Variants in AGXT observed in about 807,000 individuals in gnomAD.
AGXT encodes L-alanine: glyoxylate aminotransferase 1.
AGXT carries 41 observed loss-of-function variants against 46.9 expected under a neutral mutation model. The ratio of observed to expected loss-of-function variants is 0.88; its 90% CI spans 0.68 to 1.14. AGXT has a LOEUF of 1.14. AGXT is among the 50% of genes most tolerant of loss of function. The pLI, the probability that AGXT is intolerant of heterozygous loss-of-function variation, is 0.00. For synonymous variants in AGXT, 244 were observed against 227.9 expected, an observed-to-expected ratio of 1.07 and a Z score of -0.64; for missense variants, 525 against 522.7, an observed-to-expected ratio of 1.00 and a Z score of -0.04.
At chr2:240,876,687 G>T (rs369060082) in intron 8 of AGXT, among the ~76,000 whole-genome samples, 26 of 152,368 alleles carry the variant, frequency 1.7e-4, no homozygotes, top group African/African-American at 5.5e-4. Context: ...TGCCACGTTT[G>T]TCCTCCTGGG....
chr2:240,872,718 G>C (rs1278589965), intron 4 of AGXT, among the ~76,000 whole-genome samples: 1 of 152,066 alleles, frequency 6.6e-6, no homozygotes, highest in Non-Finnish European at 1.5e-5. Flanking sequence ...CTGCAGCTGG[G>C]TCTCACCAGG....
chr2:240,876,718 C>G (rs2059026567), intron 8 of AGXT, among the ~76,000 whole-genome samples: 1 of 152,222 alleles, frequency 6.6e-6, no homozygotes, highest in Non-Finnish European at 1.5e-5. Context: ...AAGCCACTGC[C>G]TAGGGCTGGG....
intron 3 of AGXT, 48 bp downstream of exon 3, chr2:240,870,756 G>T: frequency 6.5e-7 from 1 of 1,529,922 alleles, no homozygotes. Context: ...GTGGGAGTGG[G>T]CATGCTGGCT....
At chr2:240,874,729 C>T (rs1020649123) in intron 6 of AGXT, among the ~76,000 whole-genome samples, 5 of 152,222 alleles carry the variant, frequency 3.3e-5, no homozygotes, top group African/African-American at 4.8e-5. Flanking sequence ...GTTGTAGAGA[C>T]GGACACATTT....
intron 4 of AGXT, among the ~76,000 whole-genome samples, chr2:240,871,785 GC>G (rs2058992309): frequency 6.6e-6 from 1 of 152,196 alleles, no homozygotes; most frequent in African/African-American, 2.4e-5. Flanking sequence ...CACTAAAGCT[GC>G]CTGATGCCCT....
At chr2:240,870,610 G>C (rs1275274892) in intron 2 of AGXT, 34 bp from the exon 3 acceptor site, 1 of 1,549,228 alleles carries the variant, frequency 6.5e-7, no homozygotes, top group South Asian at 1.2e-5. Flanking sequence ...CAGTGTGTGC[G>C]GGACACTCAC....
intron 3 of AGXT, 90 bp from the exon 4 acceptor site, chr2:240,871,259 C>T: frequency 3.5e-6 from 4 of 1,129,286 alleles, no homozygotes; most frequent in Non-Finnish European, 5.2e-6. Flanking sequence ...GCCCCTGCTA[C>T]CTGGAGCTGT....
rs34116584 is a variant in AGXT at position 240,868,897 on chromosome 2, C to T, written c.32C>T (p.Pro11Leu). Residue 11 changes from proline (P) to leucine (L), a missense_variant, in exon 1 of 11, where the codon CCC (proline) becomes CTC (leucine). Pro to Leu is a moderately conservative substitution (Grantham distance 98). Coordinates refer to ENST00000307503, the MANE Select transcript of AGXT (RefSeq NM_000030.3). ...TCTCACAAGCTGCTGGTGACCCCCC[C>T]CAAGGCCCTGCTCAAGCCCCTCTCC... is the stretch of plus-strand genomic sequence containing the variant. MASHKLLVTP[P>L]KALLKPLSIP... The T allele has an allele frequency of 0.18, 291,944 of 1,612,864 alleles. 29,291 individuals carry two copies. Among genetic ancestry groups the T allele is most frequent in the Non-Finnish European group, 0.21 (242,864 of 1,179,784 alleles).
chr2:240,877,526 C>T lies in AGXT; in HGVS notation c.847-11C>T, dbSNP rs1011143270. 4.5e-6 allele frequency: 7 copies of T among 1,543,888 alleles called. No individual in the cohort carries two copies. In the African/African-American group the frequency reaches 8.2e-5, roughly 18 times the overall value. ...CCATGTCACTGCCCACCAGCGCCAT[C>T]TCCCACACAGGGCCTGGAGAACAGC... On this transcript the variant is annotated splice_polypyrimidine_tract_variant and intron_variant, in intron 8 of 10. Transcript: ENST00000307503.
chr2:240,875,038 A>G lies in AGXT; in HGVS notation c.681-71A>G, dbSNP rs1009070374. The G allele has an allele frequency of 2.2e-6, 3 of 1,352,914 alleles. No homozygotes were observed. The Admixed American group carries it at 5.1e-5, about 23-fold the overall frequency. The allele number at this position is 1,352,914 out of a possible 1,614,324, so 83.8% of individuals were successfully genotyped here. A position where few individuals can be genotyped will look rare whatever the true frequency, so the allele number is the denominator to read the frequency against. On this transcript the variant is annotated intron_variant, in intron 6 of 10. Coordinates refer to ENST00000307503, the MANE Select transcript of AGXT (RefSeq NM_000030.3). The stretch of plus-strand genomic sequence containing the variant: ...CCGTCTCACTCCCGTGAAACAGGAC[A>G]GCCAGCGAGACTGCCCTGGCCTTCA...
At chr2:240,873,393 C>A (rs1345419628) in intron 5 of AGXT, 16 of 330,302 alleles carry the variant, frequency 4.8e-5, no homozygotes, top group Non-Finnish European at 7.4e-5. Context: ...CTCTGCCCAA[C>A]CCCCCAGAGG....
In AGXT at chr2:240,879,171, A is replaced by T; in HGVS notation, c.*350A>T. 1 of 396,790 alleles carries T rather than the reference A, an allele frequency of 2.5e-6. No individual in the cohort carries two copies. 24.6% of individuals were successfully genotyped at this position (396,790 alleles called of 1,614,324 possible). On this transcript the variant is annotated 3_prime_UTR_variant, in exon 11 of 11. Transcript: ENST00000307503. ...GAGAGGAGAGCATCTCTGCTCCCTG[A>T]GCTGCCTGATTGTGGACTTTAGGGG...
At chr2:240,871,073 G>A (rs966740993) in intron 3 of AGXT, 4 of 588,770 alleles carry the variant, frequency 6.8e-6, no homozygotes, top group Non-Finnish European at 1.2e-5. Flanking sequence ...CCTACCCGGA[G>A]TGTGGGGACT....
chr2:240,877,162 A>G, intron 8 of AGXT: 1 of 435,172 alleles, frequency 2.3e-6, no homozygotes, highest in Non-Finnish European at 4.5e-6. Context: ...TGGCCCTGAG[A>G]GGAGAGGGGG....
rs778543392 is a variant in AGXT at position 240,874,021 on chromosome 2, C to T, written c.639C>T (p.Ala213=). 2 of 1,613,648 alleles carry T rather than the reference C, an allele frequency of 1.2e-6. No homozygotes were observed. The highest frequency in any genetic ancestry group is 1.1e-5 in the South Asian group (1 of 91,094). Residue 213 remains alanine, a synonymous_variant, in exon 6 of 11, where the codon GCC becomes GCT. Coordinates refer to ENST00000307503, the MANE Select transcript of AGXT (RefSeq NM_000030.3). ...CGGGCTCCCAGAAGGCCCTGAACGC[C>T]CCTCCAGGGACCTCGCTCATCTCCT... ...LYSGSQKALN[A]PPGTSLISFS... is the part of the protein sequence containing the mutation.
At position 240,879,063 on chromosome 2, in the gene AGXT, C is replaced by T. The variant is rs2059043702; in HGVS notation, c.*242C>T. On this transcript the variant is annotated 3_prime_UTR_variant, in exon 11 of 11. Transcript: ENST00000307503. ...CAGTGCCTTCCAAATGAGCTGCAGTCCCCAGGCCATGAGCCTCCCGGGAAT... is the reference window on the plus strand; with the variant it reads ...CAGTGCCTTCCAAATGAGCTGCAGTTCCCAGGCCATGAGCCTCCCGGGAAT... The T allele has an allele frequency of 1.0e-5, 6 of 592,398 alleles. No homozygotes were observed. The South Asian group carries it at 1.2e-4, about 12-fold the overall frequency. 36.7% of individuals were successfully genotyped at this position (592,398 alleles called of 1,614,324 possible). A position where few individuals can be genotyped will look rare whatever the true frequency, so the allele number is the denominator to read the frequency against.
intron 8 of AGXT, chr2:240,877,318 T>C (rs1165381281): frequency 1.6e-5 from 11 of 692,180 alleles, no homozygotes; most frequent in Non-Finnish European, 2.9e-5. Context: ...ACCTCCCCTC[T>C]GTCTCTCTGA....
chr2:240,869,097 G>A (rs1377872465), intron 1 of AGXT, 67 bp downstream of exon 1: 3 of 1,612,074 alleles, frequency 1.9e-6, no homozygotes, highest in East Asian at 2.2e-5. Context: ...TCGTGGACGA[G>A]GGAAGGGGGT....
intron 6 of AGXT, among the ~76,000 whole-genome samples, chr2:240,874,784 C>T (rs530606646): frequency 4.6e-5 from 7 of 152,354 alleles, no homozygotes; most frequent in Admixed American, 3.9e-4. Context: ...CGAAAGCAGT[C>T]ACCTTTGGGT....
Sources: gnomAD v4.1 joint callset for allele counts (sites outside exome capture counted in the v4.1 genomes callset) on GRCh38, gnomAD v4.1.1 for gene constraint, MANE v1.5 for transcripts, NCBI Gene and HGNC (gene_info 2026-07-23, HGNC 2026-07-21) for gene names.